Variants in AVEN observed in about 807,000 individuals in gnomAD.
The protein encoded by AVEN is cell death regulator Aven.
AVEN carries 41 observed loss-of-function variants against 38.1 expected under a neutral mutation model. That is an observed-to-expected ratio of 1.08 (90% CI 0.84 to 1.40). The LOEUF is 1.40. Among genes scored for constraint, AVEN ranks in the 40% most tolerant of loss-of-function variants. AVEN has a pLI of 0.00. For missense variants in AVEN, 605 were observed against 438.8 expected (o/e 1.38, Z -3.38); for synonymous variants, 206 against 171.8 (o/e 1.20, Z -1.56).
At position 34,063,498 on chromosome 15, in the gene AVEN, C is replaced by A. The variant is rs1159468531; in HGVS notation, n.1127-66G>T. 6.2e-7 allele frequency: 1 copy of A among 1,613,880 alleles called. No homozygotes were observed. The highest frequency in any genetic ancestry group is 8.5e-7 in the Non-Finnish European group (1 of 1,180,036). Reference sequence around the variant, plus strand: ...CTGCTTGCGCTGTCCTCGACCCACCCTGGCCCAGCGGGAAAGGAACCAGGC... The same window carrying A: ...CTGCTTGCGCTGTCCTCGACCCACCATGGCCCAGCGGGAAAGGAACCAGGC... On this transcript the variant is annotated intron_variant and non_coding_transcript_variant, in intron 4 of 11. Transcript: ENST00000675287. This position sits in a 1 kb window ranked among gnomAD's most constrained non-coding sequence, Gnocchi z 4.1.
chr15:33,990,215 A>C (rs574706874), intron 2 of AVEN, among the ~76,000 whole-genome samples: 2 of 151,612 alleles, frequency 1.3e-5, no homozygotes, highest in African/African-American at 4.8e-5. Flanking sequence ...AAAAAAAACA[A>C]AACAAAACAA....
At chr15:33,886,290 G>A (rs577878438) in intron 2 of AVEN, among the ~76,000 whole-genome samples, 5 of 152,086 alleles carry the variant, frequency 3.3e-5, no homozygotes, top group Non-Finnish European at 7.4e-5. Context: ...ATGATAGTAA[G>A]TTCTGACAAG....
At position 33,873,042 on chromosome 15, in the gene AVEN, A is replaced by ACTC. The variant is rs1331199836; in HGVS notation, c.517-2015_517-2013dup. 1.2e-4 allele frequency among the ~76,000 whole-genome samples: 17 copies of ACTC among 145,684 alleles called. No homozygotes were observed. In the East Asian group the frequency reaches 1.6e-3, roughly 14 times the overall value. The stretch of plus-strand genomic sequence containing the variant: ...GATTTTGGACATGTCTCCCTATCAA[A>ACTC]CTCCCACTCCCTTTAACTGCAAAGA... On this transcript the variant is annotated intron_variant, in intron 3 of 5. Coordinates refer to ENST00000306730, the MANE Select transcript of AVEN (RefSeq NM_020371.3).
In AVEN at chr15:33,867,772, G is replaced by A. The variant is rs916945049; in HGVS notation, c.696C>T (p.Pro232=). ...TGGGCCCCCTTCCTCCAGGCCCCAA[G>A]GGCCCCTTTAACTGCATCCCTAATC... ...GKGLGMQLKG[P]LGPGGRGPIF... is the part of the protein sequence containing the mutation. Residue 232 remains proline, a synonymous_variant, in exon 5 of 6, where the codon CCC becomes CCT. Transcript: ENST00000306730. 2.4e-5 allele frequency: 38 copies of A among 1,613,956 alleles called. No individual in the cohort carries two copies. The highest frequency in any genetic ancestry group is 3.1e-5 in the Non-Finnish European group (37 of 1,180,006).
chr15:33,931,349 CTTTTTTTTTTTTTTTTTT>C (rs71119903), intron 2 of AVEN, among the ~76,000 whole-genome samples: 23 of 89,276 alleles, frequency 2.6e-4, no homozygotes, highest in African/African-American at 1.1e-3. Context: ...TGAATATTTT[CTTTTTTTTTTTTTTTTTT>C]TTTTTTTTTT....
intron 2 of AVEN, among the ~76,000 whole-genome samples, chr15:33,889,530 G>A (rs919470): frequency 0.99 from 151,193 of 152,298 alleles, 75,059 homozygotes; most frequent in Middle Eastern, 1. Context: ...TAAATCTTAA[G>A]TTATCTGTTT....
chr15:34,042,009 TC>T (rs763990094), upstream of AVEN, among the ~76,000 whole-genome samples: 2 of 152,098 alleles, frequency 1.3e-5, no homozygotes, highest in Non-Finnish European at 2.9e-5. Context: ...AATTCTGAGG[TC>T]CCCCTTCTAG....
chr15:34,016,496 C>G (rs1442514610), intron 1 of AVEN, among the ~76,000 whole-genome samples: 3 of 151,712 alleles, frequency 2.0e-5, no homozygotes, highest in Non-Finnish European at 2.9e-5. Flanking sequence ...CAAATTTCCC[C>G]CTTTCCCTTC....
intron 2 of AVEN, among the ~76,000 whole-genome samples, chr15:33,901,097 T>C (rs1158166859): frequency 6.6e-6 from 1 of 152,132 alleles, no homozygotes; most frequent in African/African-American, 2.4e-5. Context: ...AAACCCCGTC[T>C]CTACTAAAAA....
At chr15:33,873,757 A>T (rs1891103481) in intron 3 of AVEN, among the ~76,000 whole-genome samples, 1 of 151,992 alleles carries the variant, frequency 6.6e-6, no homozygotes, top group Non-Finnish European at 1.5e-5. Flanking sequence ...AATCAAACTT[A>T]ACTTCTTTCT....
chr15:33,907,318 G>A (rs1274336192), intron 2 of AVEN, among the ~76,000 whole-genome samples: 1 of 152,146 alleles, frequency 6.6e-6, no homozygotes, highest in African/African-American at 2.4e-5. Context: ...ATGTCTCAAG[G>A]GCAGGAACCT....
intron 2 of AVEN, among the ~76,000 whole-genome samples, chr15:33,980,340 T>C (rs1273865814): frequency 6.6e-6 from 1 of 152,206 alleles, no homozygotes. Context: ...ATGTCTTAAC[T>C]TGACAAGACC....
chr15:33,895,401 CT>C (rs950258691), intron 2 of AVEN, among the ~76,000 whole-genome samples: 5 of 151,844 alleles, frequency 3.3e-5, no homozygotes, highest in African/African-American at 1.2e-4. Context: ...TCATAGCTCG[CT>C]GCAGCCTCAA....
At chr15:33,983,128 CTGTGTGTGTGTGTG>C (rs373285133) in intron 2 of AVEN, among the ~76,000 whole-genome samples, 1 of 135,266 alleles carries the variant, frequency 7.4e-6, no homozygotes, top group African/African-American at 2.7e-5. Context: ...TGTCCATACT[CTGTGTGTGTGTGTG>C]TGTGTGTGTG....
In AVEN at chr15:33,867,874, A is replaced by T; in HGVS notation, c.613-19T>A. The T allele has an allele frequency of 1.3e-6, 2 of 1,538,506 alleles. No homozygotes were observed. The highest frequency in any genetic ancestry group is 1.7e-6 in the Non-Finnish European group (2 of 1,147,598). ...CTGTACCCTGAAAGAGAAGTATAAA[A>T]ACTGAGTTAAAAATGTGAGTCTTGC... On this transcript the variant is annotated intron_variant, in intron 4 of 5. Coordinates refer to ENST00000306730, the MANE Select transcript of AVEN (RefSeq NM_020371.3).
At chr15:33,967,990 G>C (rs1172302976) in intron 2 of AVEN, among the ~76,000 whole-genome samples, 1 of 144,828 alleles carries the variant, frequency 6.9e-6, no homozygotes, top group Non-Finnish European at 1.5e-5. Context: ...AAAACTCACA[G>C]TATACTCTTT....
intron 4 of AVEN, among the ~76,000 whole-genome samples, chr15:33,869,475 C>T (rs560229661): frequency 1.3e-5 from 2 of 152,146 alleles, no homozygotes; most frequent in Non-Finnish European, 2.9e-5. Context: ...CATTCCTCAT[C>T]ATATGAGATC....
At chr15:34,075,207 A>ACTAC (rs1900705097), upstream of AVEN, among the ~76,000 whole-genome samples, 1 of 148,202 alleles carries the variant, frequency 6.7e-6, no homozygotes, top group East Asian at 1.9e-4. Context: ...AAAAAAAAGA[A>ACTAC]CTACCTGAAA....
At chr15:33,870,650 G>A (rs1411600008) in intron 4 of AVEN, among the ~76,000 whole-genome samples, 1 of 152,134 alleles carries the variant, frequency 6.6e-6, no homozygotes, top group Non-Finnish European at 1.5e-5. Flanking sequence ...AACATAGAGC[G>A]TGATGCGTAA....
Sources: allele counts gnomAD v4.1 joint callset (sites outside exome capture counted in the v4.1 genomes callset), GRCh38; gene constraint gnomAD v4.1.1; non-coding constraint Gnocchi (gnomAD v3.1); transcripts MANE v1.5; gene names NCBI Gene and HGNC (gene_info 2026-07-23, HGNC 2026-07-21).